Variants in SLC24A2 observed in about 807,000 individuals in gnomAD.
SLC24A2 encodes sodium/potassium/calcium exchanger 2.
SLC24A2 carries 36 observed loss-of-function variants against 62.0 expected under a neutral mutation model. The ratio of observed to expected loss-of-function variants is 0.58; its 90% confidence interval spans 0.44 to 0.77. The LOEUF (loss-of-function observed/expected upper bound fraction) is 0.77. Among genes scored for constraint, SLC24A2 ranks in the 30% least tolerant of loss-of-function variants. The pLI, the probability that SLC24A2 is intolerant of heterozygous loss-of-function variation, is 0.00. For synonymous variants in SLC24A2, 358 were observed against 294.0 expected, an observed-to-expected ratio of 1.22 and a Z score of -2.23; for missense variants, 846 against 817.9, an observed-to-expected ratio of 1.03 and a Z score of -0.42.
chr9:19,647,993 G>A (rs1818692277), intron 2 of SLC24A2, among the ~76,000 whole-genome samples: 1 of 152,140 alleles, frequency 6.6e-6, no homozygotes, highest in Non-Finnish European at 1.5e-5. Context: ...TGGAAGGCAA[G>A]AAAGAAAGAT....
the SLC24A2 span, among the ~76,000 whole-genome samples, chr9:19,980,041 G>A: frequency 2.4e-4 from 37 of 152,290 alleles, no homozygotes; most frequent in African/African-American, 8.7e-4. Flanking sequence ...GACAGAAGAC[G>A]CATGTAAAGG....
the SLC24A2 span, among the ~76,000 whole-genome samples, chr9:20,087,937 G>A: frequency 6.6e-6 from 1 of 152,144 alleles, no homozygotes; most frequent in Non-Finnish European, 1.5e-5. Context: ...GCGATCCGGG[G>A]ACCCATGCTT....
At chr9:20,105,083 G>T in the SLC24A2 span, among the ~76,000 whole-genome samples, 297 of 152,230 alleles carry the variant, frequency 2.0e-3, 2 homozygotes, top group African/African-American at 6.5e-3. Flanking sequence ...AACCAACAAA[G>T]ATCAAAAGAG....
chr9:20,056,694 G>A, the SLC24A2 span, among the ~76,000 whole-genome samples: 7 of 152,116 alleles, frequency 4.6e-5, no homozygotes, highest in Non-Finnish European at 7.3e-5. Context: ...AAGGGCATAT[G>A]ACCTGATCTC....
At chr9:19,669,303 T>G (rs2118301642) in intron 2 of SLC24A2, among the ~76,000 whole-genome samples, 1 of 151,396 alleles carries the variant, frequency 6.6e-6, no homozygotes, top group South Asian at 2.1e-4. Context: ...GGGTGGGGAG[T>G]GGTGGTGGGT....
intron 7 of SLC24A2, among the ~76,000 whole-genome samples, chr9:19,566,110 C>A (rs991799779): frequency 6.6e-6 from 1 of 152,090 alleles, no homozygotes; most frequent in African/African-American, 2.4e-5. Context: ...TCAAAATTGA[C>A]AAATGGAATC....
intron 10 of SLC24A2, among the ~76,000 whole-genome samples, chr9:19,518,405 CTTTCT>C: frequency 6.6e-6 from 1 of 150,800 alleles, no homozygotes; most frequent in African/African-American, 2.4e-5. Context: ...TTTTTCTTTT[CTTTCT>C]TTTTCTTTTC....
the SLC24A2 span, among the ~76,000 whole-genome samples, chr9:20,264,616 G>T: frequency 2.0e-5 from 3 of 152,160 alleles, no homozygotes; most frequent in Non-Finnish European, 4.4e-5. Flanking sequence ...TCAGTTTTGG[G>T]TTCCTCCTCT....
At chr9:20,059,932 G>A in the SLC24A2 span, among the ~76,000 whole-genome samples, 1 of 151,962 alleles carries the variant, frequency 6.6e-6, no homozygotes, top group South Asian at 2.1e-4. Context: ...AAAAGGGAGA[G>A]AAGATGCAAA....
At chr9:20,073,850 GTA>G in the SLC24A2 span, among the ~76,000 whole-genome samples, 459 of 144,854 alleles carry the variant, frequency 3.2e-3, 1 homozygote, top group African/African-American at 0.011. Context: ...ATATATGTGT[GTA>G]TATTTGTGTG....
At chr9:20,294,430 T>C in the SLC24A2 span, among the ~76,000 whole-genome samples, 1 of 152,198 alleles carries the variant, frequency 6.6e-6, no homozygotes, top group African/African-American at 2.4e-5. Flanking sequence ...CTTGCTCCAC[T>C]CAACTAACCA....
chr9:20,303,564 G>A, the SLC24A2 span, among the ~76,000 whole-genome samples: 1 of 152,110 alleles, frequency 6.6e-6, no homozygotes, highest in Non-Finnish European at 1.5e-5. Flanking sequence ...AGCCCATACA[G>A]CCAGGGATAC....
chr9:19,694,939 T>C (rs975786148), intron 2 of SLC24A2, among the ~76,000 whole-genome samples: 1 of 152,070 alleles, frequency 6.6e-6, no homozygotes, highest in African/African-American at 2.4e-5. Context: ...TTTTTTTCTT[T>C]TTCCTCCGGC....
At chr9:19,764,087 A>G (rs1456325419) in intron 2 of SLC24A2, among the ~76,000 whole-genome samples, 3 of 152,114 alleles carry the variant, frequency 2.0e-5, no homozygotes, top group Non-Finnish European at 4.4e-5. Context: ...TAGATTTTCT[A>G]TTTTATTTGC....
the SLC24A2 span, among the ~76,000 whole-genome samples, chr9:20,109,151 G>A: frequency 6.6e-6 from 1 of 152,120 alleles, no homozygotes; most frequent in Non-Finnish European, 1.5e-5. Context: ...CTGTCATCTA[G>A]GTTTGGGTAC....
At chr9:20,103,379 C>T in the SLC24A2 span, among the ~76,000 whole-genome samples, 3 of 152,234 alleles carry the variant, frequency 2.0e-5, no homozygotes, top group African/African-American at 7.2e-5. Flanking sequence ...GATCTGAGAA[C>T]AGGCAGACTG....
the SLC24A2 span, among the ~76,000 whole-genome samples, chr9:19,803,969 A>T: frequency 6.6e-6 from 1 of 152,186 alleles, no homozygotes; most frequent in Non-Finnish European, 1.5e-5. Flanking sequence ...TTTAGTGAGG[A>T]AGAAATTTTA....
chr9:20,256,393 C>A, the SLC24A2 span, among the ~76,000 whole-genome samples: 2 of 152,204 alleles, frequency 1.3e-5, no homozygotes, highest in African/African-American at 4.8e-5. Flanking sequence ...TACTCAAGAA[C>A]TCCAAAGGCT....
At chr9:19,908,242 C>T in the SLC24A2 span, among the ~76,000 whole-genome samples, 4 of 149,614 alleles carry the variant, frequency 2.7e-5, no homozygotes, top group African/African-American at 9.9e-5. Context: ...GGAAAGGATT[C>T]CCTACTTAAT....
Sources: gnomAD v4.1 joint callset for allele counts (sites outside exome capture counted in the v4.1 genomes callset) on GRCh38, gnomAD v4.1.1 for gene constraint, MANE v1.5 for transcripts, NCBI Gene and HGNC (gene_info 2026-07-23, HGNC 2026-07-21) for gene names.